The following GAS2 variants were observed in gnomAD, a reference collection of about 807,000 sequenced individuals.
The protein encoded by GAS2 is growth arrest-specific protein 2.
Under a neutral mutation model 37.5 loss-of-function variants are expected in GAS2, and 20 were observed. The observed-to-expected ratio is 0.53, with a 90% CI of 0.37 to 0.77. The LOEUF (loss-of-function observed/expected upper bound fraction) is 0.77. Among genes scored for constraint, GAS2 ranks in the 30% least tolerant of loss-of-function variants. The pLI, the probability that GAS2 is intolerant of heterozygous loss-of-function variation, is 0.00. For missense variants in GAS2, 336 were observed against 373.4 expected (o/e 0.90, Z 0.82); for synonymous variants, 144 against 132.2 (o/e 1.09, Z -0.61).
At chr11:22,790,102 A>C (rs1032078666) in intron 7 of GAS2, among the ~76,000 whole-genome samples, 1 of 152,120 alleles carries the variant, frequency 6.6e-6, no homozygotes, top group Non-Finnish European at 1.5e-5. Flanking sequence ...TGTTACAGCC[A>C]ATGGCATGAT....
chr11:22,767,996 T>C (rs555132461), intron 7 of GAS2, among the ~76,000 whole-genome samples: 1 of 152,320 alleles, frequency 6.6e-6, no homozygotes, highest in South Asian at 2.1e-4. Flanking sequence ...AGGCACCTCC[T>C]TCATCTAAAC....
chr11:22,679,957 A>C (rs1157649083), intron 2 of GAS2, among the ~76,000 whole-genome samples: 1 of 152,186 alleles, frequency 6.6e-6, no homozygotes, highest in Admixed American at 6.5e-5. Context: ...AAGAAAATGC[A>C]GTTATTTTCC....
intron 7 of GAS2, among the ~76,000 whole-genome samples, chr11:22,778,056 G>C (rs1855355113): frequency 6.6e-6 from 1 of 152,102 alleles, no homozygotes; most frequent in Admixed American, 6.5e-5. Flanking sequence ...AAGAGGCGAA[G>C]AAGAAACTAG....
At chr11:22,770,792 C>T (rs1290383596) in intron 7 of GAS2, among the ~76,000 whole-genome samples, 1 of 152,132 alleles carries the variant, frequency 6.6e-6, no homozygotes, top group Non-Finnish European at 1.5e-5. Flanking sequence ...AATAGTTATT[C>T]TCATTGTCGT....
intron 1 of GAS2, among the ~76,000 whole-genome samples, chr11:22,631,948 T>A (rs76293845): frequency 1.5e-4 from 2 of 13,770 alleles, no homozygotes; most frequent in Non-Finnish European, 3.3e-4. Context: ...GCCCTGGACT[T>A]TTTTTTTTTT....
chr11:22,658,877 C>G (rs374567298), intron 1 of GAS2, among the ~76,000 whole-genome samples: 2 of 152,164 alleles, frequency 1.3e-5, no homozygotes, highest in African/African-American at 4.8e-5. Flanking sequence ...TGCCATAAAT[C>G]TGAATGTTGA....
chr11:22,678,503 T>A (rs934645627), intron 2 of GAS2, among the ~76,000 whole-genome samples: 6 of 152,086 alleles, frequency 3.9e-5, no homozygotes, highest in Non-Finnish European at 7.4e-5. Context: ...GTCTTGAAAG[T>A]AGCTTTGGAA....
chr11:22,782,041 A>T (rs868228272), intron 7 of GAS2, among the ~76,000 whole-genome samples: 8 of 152,234 alleles, frequency 5.3e-5, no homozygotes, highest in South Asian at 2.1e-4. Flanking sequence ...CAAGTTATTT[A>T]CTAATGAATA....
At chr11:22,790,463 T>A (rs1436202190) in intron 7 of GAS2, among the ~76,000 whole-genome samples, 1 of 152,144 alleles carries the variant, frequency 6.6e-6, no homozygotes, top group Non-Finnish European at 1.5e-5. Context: ...ATTTTTATAC[T>A]TTTTCATCCA....
At chr11:22,667,679 C>A (rs1001491175) in intron 1 of GAS2, among the ~76,000 whole-genome samples, 3 of 152,190 alleles carry the variant, frequency 2.0e-5, no homozygotes, top group Non-Finnish European at 4.4e-5. Context: ...TTACCATTAA[C>A]TTAGCCCAGG....
chr11:22,785,040 T>C lies in GAS2; in HGVS notation c.724-26758T>C, dbSNP rs185919624. Among the ~76,000 whole-genome samples the C allele has an allele frequency of 5.3e-5, 8 of 152,210 alleles. No homozygotes were observed. The East Asian group carries it at 1.2e-3, about 22-fold the overall frequency. On this transcript the variant is annotated intron_variant, in intron 7 of 7. Coordinates refer to ENST00000454584, the MANE Select transcript of GAS2 (RefSeq NM_001143830.3). ...GGAAAAGGGATAGCAAAAATTCCAG[T>C]GTTCCTCCATCACACTAGACATATT...
At position 22,696,761 on chromosome 11, in the gene GAS2, A is replaced by C. The variant is rs567704362; in HGVS notation, c.267+10972A>C. Among the ~76,000 whole-genome samples, 288 of 151,998 alleles carry C rather than the reference A, an allele frequency of 1.9e-3. 2 individuals are homozygous for C. The highest frequency in any genetic ancestry group is 1.0e-3 in the South Asian group (5 of 4,812). The stretch of plus-strand genomic sequence containing the variant: ...GTCTTCTTTTGAGAAGTGTCTGTTC[A>C]TGTCCTTCACCCACTTTTTGATGGA... On this transcript the variant is annotated intron_variant, in intron 3 of 7. Transcript: ENST00000454584.
chr11:22,726,266 C>A (rs759521556), intron 3 of GAS2, 26 bp from the exon 4 acceptor site: 4 of 1,582,162 alleles, frequency 2.5e-6, no homozygotes, highest in Non-Finnish European at 3.4e-6. Context: ...CAGATTTCTC[C>A]TAGAACGAAT....
Position 22,674,843 on chromosome 11 carries a change from A to G in GAS2, c.-20-7A>G, listed in dbSNP as rs748596046. The G allele has an allele frequency of 6.4e-7, 1 of 1,552,552 alleles. No individual in the cohort carries two copies. Among genetic ancestry groups the G allele is most frequent in the Non-Finnish European group, 8.7e-7 (1 of 1,149,378 alleles). On this transcript the variant is annotated splice_polypyrimidine_tract_variant and splice_region_variant and intron_variant, in intron 1 of 7. Coordinates refer to ENST00000454584, the MANE Select transcript of GAS2 (RefSeq NM_001143830.3). Reference sequence around the variant, plus strand: ...AAAAAGCAATTGCTCTTTTGTTTCCAAAACAGGTATTACAAGTGGATAAAT... The same window carrying G: ...AAAAAGCAATTGCTCTTTTGTTTCCGAAACAGGTATTACAAGTGGATAAAT...
At chr11:22,746,831 A>T (rs749081336) in intron 5 of GAS2, among the ~76,000 whole-genome samples, 1 of 152,202 alleles carries the variant, frequency 6.6e-6, no homozygotes, top group Non-Finnish European at 1.5e-5. Context: ...AATTCTGCAC[A>T]TGTACCCCTG....
intron 3 of GAS2, among the ~76,000 whole-genome samples, chr11:22,698,101 G>A (rs751944621): frequency 4.0e-5 from 6 of 151,596 alleles, no homozygotes; most frequent in African/African-American, 9.7e-5. Context: ...GAAAGGATCA[G>A]CAAAATTGAT....
At chr11:22,747,839 C>G (rs1853495289) in intron 5 of GAS2, among the ~76,000 whole-genome samples, 1 of 151,924 alleles carries the variant, frequency 6.6e-6, no homozygotes, top group Non-Finnish European at 1.5e-5. Context: ...GGTAATGAAG[C>G]AGAAAAGCCA....
At chr11:22,734,330 A>G (rs1375594850) in intron 4 of GAS2, among the ~76,000 whole-genome samples, 1 of 151,734 alleles carries the variant, frequency 6.6e-6, no homozygotes, top group African/African-American at 2.4e-5. Flanking sequence ...TCTACTTTAT[A>G]TCTTTACATG....
At chr11:22,769,057 G>A (rs796259449) in intron 7 of GAS2, among the ~76,000 whole-genome samples, 15 of 152,254 alleles carry the variant, frequency 9.9e-5, no homozygotes, top group African/African-American at 3.6e-4. Flanking sequence ...GAGGTCCAGG[G>A]TTAATAGAAA....
Sources: allele counts gnomAD v4.1 joint callset (sites outside exome capture counted in the v4.1 genomes callset), GRCh38; gene constraint gnomAD v4.1.1; transcripts MANE v1.5; gene names NCBI Gene and HGNC (gene_info 2026-07-23, HGNC 2026-07-21).